The following OSBPL9 variants were observed in gnomAD, a reference collection of about 807,000 sequenced individuals.
The protein encoded by OSBPL9 is oxysterol-binding protein-related protein 9.
A neutral mutation model predicts 106.6 loss-of-function variants in OSBPL9; 40 were observed. That is an observed-to-expected ratio of 0.38 (90% CI 0.29 to 0.49). The LOEUF (loss-of-function observed/expected upper bound fraction) is 0.49. Ranked by LOEUF, OSBPL9 falls within the 20% of genes least tolerant of loss-of-function variation. OSBPL9 has a pLI of 0.97. For missense variants in OSBPL9, 609 were observed against 887.2 expected, an observed-to-expected ratio of 0.69 and a Z score of 3.98; for synonymous variants, 269 against 295.4, an observed-to-expected ratio of 0.91 and a Z score of 0.92.
the OSBPL9 span, among the ~76,000 whole-genome samples, chr1:51,529,881 C>CT: frequency 6.6e-6 from 1 of 151,316 alleles, no homozygotes; most frequent in South Asian, 2.1e-4. Context: ...GTATAAAACT[C>CT]TGAGAAGAGG....
intron 1 of OSBPL9, 91 bp downstream of exon 1, chr1:51,617,312 G>T: frequency 7.4e-7 from 1 of 1,344,372 alleles, no homozygotes. Flanking sequence ...GCTGAGTTGA[G>T]GTTGCTAGTC....
intron 4 of OSBPL9, among the ~76,000 whole-genome samples, chr1:51,731,056 C>CTT (rs751207090): frequency 2.1e-5 from 3 of 145,746 alleles, no homozygotes; most frequent in Non-Finnish European, 1.5e-5. Context: ...TCCCCCCCAC[C>CTT]TTTTTTTTTT....
intron 2 of OSBPL9, among the ~76,000 whole-genome samples, chr1:51,609,819 CT>C (rs974457998): frequency 3.0e-4 from 45 of 150,844 alleles, no homozygotes; most frequent in African/African-American, 1.1e-3. Context: ...GTGATCTCGG[CT>C]CACCACAACC....
rs1251414035 is a variant in OSBPL9, at chr1:51,659,024, CATT to C, written c.162+6985_162+6987del. 1.4e-4 allele frequency among the ~76,000 whole-genome samples: 21 copies of C among 152,096 alleles called. No individual in the cohort carries two copies. The South Asian group carries it at 4.2e-3, about 30-fold the overall frequency. On this transcript the variant is annotated intron_variant, in intron 2 of 23. Transcript: ENST00000428468. ...ATCTCTGTGATTGGTACATAGATGT[CATT>C]AGTGCTCTATTTTATGAATGTTTAT... is the stretch of plus-strand genomic sequence containing the variant.
chr1:51,744,213 C>A (rs1667520223), intron 4 of OSBPL9, among the ~76,000 whole-genome samples: 3 of 151,952 alleles, frequency 2.0e-5, no homozygotes, highest in Admixed American at 2.0e-4. Context: ...TTGGGAAGAG[C>A]AACAAAAGTA....
intron 9 of OSBPL9, chr1:51,759,442 G>A (rs1269421705): frequency 6.6e-6 from 1 of 152,036 alleles, no homozygotes; most frequent in Non-Finnish European, 1.5e-5. Context: ...CTATTATTAG[G>A]TGATTTTAAG....
intron 1 of OSBPL9, among the ~76,000 whole-genome samples, chr1:51,647,149 T>A (rs1243055689): frequency 6.6e-6 from 1 of 152,204 alleles, no homozygotes; most frequent in Non-Finnish European, 1.5e-5. Flanking sequence ...TAGATTTTTT[T>A]AAAAGTACGT....
At chr1:51,736,218 C>T (rs1665662883) in intron 4 of OSBPL9, among the ~76,000 whole-genome samples, 1 of 152,144 alleles carries the variant, frequency 6.6e-6, no homozygotes, top group Non-Finnish European at 1.5e-5. Flanking sequence ...TAGATTCTGA[C>T]AATTAAACTA....
intron 3 of OSBPL9, among the ~76,000 whole-genome samples, chr1:51,694,166 A>G (rs1416773321): frequency 6.6e-6 from 1 of 152,220 alleles, no homozygotes; most frequent in Non-Finnish European, 1.5e-5. Context: ...CAGTTTAGAA[A>G]TTAAAACTGA....
intron 3 of OSBPL9, among the ~76,000 whole-genome samples, chr1:51,708,545 G>A (rs1454461726): frequency 1.3e-5 from 2 of 152,082 alleles, no homozygotes; most frequent in African/African-American, 2.4e-5. Context: ...TAATGCAAGT[G>A]ATGTAACGTG....
At chr1:51,783,651 A>G (rs989243652) in intron 17 of OSBPL9, among the ~76,000 whole-genome samples, 1 of 152,180 alleles carries the variant, frequency 6.6e-6, no homozygotes, top group African/African-American at 2.4e-5. Flanking sequence ...GTACTTGCAG[A>G]CCAGAACAGA....
At position 51,593,578 on chromosome 1, in the gene OSBPL9, C is replaced by T. The variant is rs182375744; in HGVS notation, c.-422-4546C>T. Reference sequence around the variant, plus strand: ...TACCCTTCTCCCCTTCTCTGCCCATCTGATAAACTGACTTATCCTTCGAAA... The same window carrying T: ...TACCCTTCTCCCCTTCTCTGCCCATTTGATAAACTGACTTATCCTTCGAAA... On this transcript the variant is annotated intron_variant, in intron 1 of 25. Transcript: ENST00000371714. Among the ~76,000 whole-genome samples, 145 of 152,272 alleles carry T rather than the reference C, an allele frequency of 9.5e-4. No homozygotes were observed. In the Middle Eastern group the frequency reaches 0.02, roughly 21 times the overall value.
rs1678406469 is a variant in OSBPL9 at position 51,789,101 on chromosome 1, A to G, written c.*1312A>G. 3 of 835,480 alleles carry G rather than the reference A, an allele frequency of 3.6e-6. No homozygotes were observed. The East Asian group carries it at 7.9e-5, about 22-fold the overall frequency. 51.8% of individuals were successfully genotyped at this position (835,480 alleles called of 1,614,324 possible). A position where few individuals can be genotyped will look rare whatever the true frequency, so the allele number is the denominator to read the frequency against. On this transcript the variant is annotated 3_prime_UTR_variant, in exon 24 of 24. Transcript: ENST00000428468. ...TTATTAGTCTCAACAAAGGATAAAA[A>G]GTAAATCAAATGCTATGATGCCAGT...
chr1:51,588,466 C>T (rs1383499638), intron 1 of OSBPL9, among the ~76,000 whole-genome samples: 1 of 152,176 alleles, frequency 6.6e-6, no homozygotes, highest in Non-Finnish European at 1.5e-5. Context: ...CAAGACCAGT[C>T]TGGGCCACAT....
At chr1:51,785,246 C>G (rs988914976) in intron 20 of OSBPL9, 3 of 154,186 alleles carry the variant, frequency 1.9e-5, no homozygotes, top group African/African-American at 7.2e-5. Context: ...TATGCCTTGC[C>G]CTTCCTAACC....
chr1:51,753,080 A>G (rs903925454), intron 8 of OSBPL9, among the ~76,000 whole-genome samples: 6 of 152,022 alleles, frequency 3.9e-5, no homozygotes, highest in African/African-American at 7.3e-5. Flanking sequence ...TATATGTATG[A>G]TTTTTTTTAC....
At chr1:51,661,357 A>C (rs1647138622) in intron 2 of OSBPL9, among the ~76,000 whole-genome samples, 1 of 152,128 alleles carries the variant, frequency 6.6e-6, no homozygotes, top group Non-Finnish European at 1.5e-5. Context: ...TGAGAGCAAA[A>C]CTATCTGTCT....
At chr1:51,519,194 G>A in the OSBPL9 span, 1 of 1,433,150 alleles carries the variant, frequency 7.0e-7, no homozygotes, top group Admixed American at 2.5e-5. Flanking sequence ...GGCGTGTGGC[G>A]TTACCTGTGT....
chr1:51,553,080 C>A, the OSBPL9 span, among the ~76,000 whole-genome samples: 1 of 152,030 alleles, frequency 6.6e-6, no homozygotes, highest in Admixed American at 6.6e-5. Context: ...TTTGAATGGA[C>A]CTTCCTTCAG....
Sources: gnomAD v4.1 joint callset for allele counts (sites outside exome capture counted in the v4.1 genomes callset) on GRCh38, gnomAD v4.1.1 for gene constraint, MANE v1.5 for transcripts, NCBI Gene and HGNC (gene_info 2026-07-23, HGNC 2026-07-21) for gene names.